MAP3K21: variants seen among roughly 807,000 people sequenced by gnomAD.
The protein encoded by MAP3K21 is mitogen-activated protein kinase kinase kinase 21.
Under a neutral mutation model 86.1 loss-of-function variants are expected in MAP3K21, and 63 were observed. The ratio of observed to expected loss-of-function variants is 0.73; its 90% CI spans 0.60 to 0.90. The LOEUF is 0.90. MAP3K21 is among the 40% of genes least tolerant of loss of function. MAP3K21 has a pLI of 0.00. For missense variants in MAP3K21, 1,220 were observed against 1,367.7 expected (o/e 0.89, Z 1.70); for synonymous variants, 558 against 564.8 (o/e 0.99, Z 0.17).
At position 233,353,779 on chromosome 1, in the gene MAP3K21, T is replaced by G. The variant is rs74946529; in HGVS notation, c.987-28T>G. 5.8e-4 allele frequency: 901 copies of G among 1,540,752 alleles called. 9 individuals are homozygous for G. The South Asian group carries it at 8.3e-3, about 14-fold the overall frequency. Reference sequence around the variant, plus strand: ...TAAGGAAAAGACACTGTTTAGCCCATTGAGCATATGAAATCCTTGCTTTCT... The same window carrying G: ...TAAGGAAAAGACACTGTTTAGCCCAGTGAGCATATGAAATCCTTGCTTTCT... On this transcript the variant is annotated intron_variant, in intron 2 of 9. Transcript: ENST00000366624.
At chr1:233,345,254 A>G (rs113398766) in intron 1 of MAP3K21, among the ~76,000 whole-genome samples, 15,637 of 152,254 alleles carry the variant, frequency 0.1, 963 homozygotes, top group East Asian at 0.21. Flanking sequence ...AGGATTATAA[A>G]TCATGCTACT....
chr1:233,363,063 A>G (rs1200452680), intron 5 of MAP3K21, among the ~76,000 whole-genome samples: 2 of 152,312 alleles, frequency 1.3e-5, no homozygotes, highest in Non-Finnish European at 2.9e-5. Flanking sequence ...AAATACCTCC[A>G]TGGTATTTTG....
intron 8 of MAP3K21, among the ~76,000 whole-genome samples, chr1:233,378,727 C>T (rs1663845705): frequency 6.6e-6 from 1 of 152,202 alleles, no homozygotes; most frequent in African/African-American, 2.4e-5. Flanking sequence ...GCTGGTTCAT[C>T]TGCAGGGAAC....
At chr1:233,341,784 C>T (rs772425229) in intron 1 of MAP3K21, among the ~76,000 whole-genome samples, 10 of 151,990 alleles carry the variant, frequency 6.6e-5, no homozygotes, top group Non-Finnish European at 1.0e-4. Context: ...TTTCATCAGT[C>T]GTTTCTCATG....
rs866193751 is a variant in MAP3K21, at chr1:233,382,581, C to T, written c.2981C>T (p.Ser994Phe). 6.2e-7 allele frequency: 1 copy of T among 1,614,194 alleles called. No individual in the cohort carries two copies. The highest frequency in any genetic ancestry group is 8.5e-7 in the Non-Finnish European group (1 of 1,180,024). The change falls in exon 10 of 10, where the codon TCC (serine) becomes TTC (phenylalanine). Residue 994 changes from serine (S) to phenylalanine (F), a missense_variant. Ser to Phe is a radical substitution (Grantham distance 155). Transcript: ENST00000366624. ...QFLAAKERTKSHVPSLLDADV... is the reference protein window; with the variant it reads ...QFLAAKERTKFHVPSLLDADV... ...CTCGCTGCCAAGGAGAGAACTAAAT[C>T]CCATGTGCCTTCATTACTGGATGCT...
At chr1:233,333,597 T>TA (rs11399728) in intron 1 of MAP3K21, among the ~76,000 whole-genome samples, 81,741 of 149,748 alleles carry the variant, frequency 0.55, 22,941 homozygotes, top group African/African-American at 0.66. Flanking sequence ...ATATTAAAAT[T>TA]AAAAAAAAAA....
At chr1:233,342,914 C>T (rs1054586559) in intron 1 of MAP3K21, among the ~76,000 whole-genome samples, 29 of 152,190 alleles carry the variant, frequency 1.9e-4, no homozygotes, top group Admixed American at 5.9e-4. Flanking sequence ...CATCCTAAAT[C>T]GGATTCTTCA....
chr1:233,354,769 A>T, intron 3 of MAP3K21, 67 bp from the exon 4 acceptor site: 2 of 713,744 alleles, frequency 2.8e-6, no homozygotes, highest in Non-Finnish European at 3.9e-6. Context: ...ACTTCAGTGT[A>T]AAACATTTCT....
intron 8 of MAP3K21, among the ~76,000 whole-genome samples, chr1:233,377,566 G>C (rs970761580): frequency 2.6e-5 from 4 of 152,116 alleles, no homozygotes; most frequent in African/African-American, 7.2e-5. Context: ...AGAGCACAGG[G>C]TTCTTTGGAG....
In MAP3K21 at chr1:233,328,704, CCCCG is replaced by C; in HGVS notation, c.679_682del (p.Arg227AlafsTer17). 7.2e-7 allele frequency: 1 copy of C among 1,383,062 alleles called. No individual in the cohort carries two copies. The allele number at this position is 1,383,062 out of a possible 1,614,324, so 85.7% of individuals were successfully genotyped here. A position where few individuals can be genotyped will look rare whatever the true frequency, so the allele number is the denominator to read the frequency against. ...CGCCCCGGACCCGCGCGCGCCCGGC[CCCCG>C]CCGCGCGCGCCGCATCCCTCCGCAC... is the stretch of plus-strand genomic sequence containing the variant. On this transcript the variant is annotated frameshift_variant, in exon 1 of 10. Coordinates refer to ENST00000366624, the MANE Select transcript of MAP3K21 (RefSeq NM_032435.3). LOFTEE classifies it high-confidence loss of function. The surrounding 1 kb of genome is among the most constrained non-coding windows in gnomAD (Gnocchi z 8.7).
chr1:233,352,506 G>A (rs922000592), intron 2 of MAP3K21, among the ~76,000 whole-genome samples: 1 of 151,504 alleles, frequency 6.6e-6, no homozygotes, highest in African/African-American at 2.4e-5. Context: ...TCTCGGCTCA[G>A]TGCAACCTCT....
At chr1:233,370,676 C>T (rs1021804217) in intron 5 of MAP3K21, among the ~76,000 whole-genome samples, 48 of 152,202 alleles carry the variant, frequency 3.2e-4, no homozygotes, top group Middle Eastern at 6.8e-3. Context: ...TTTTATTAAA[C>T]TCATTAATCG....
chr1:233,350,411 A>G (rs1663228917), intron 2 of MAP3K21, among the ~76,000 whole-genome samples: 1 of 152,164 alleles, frequency 6.6e-6, no homozygotes, highest in Non-Finnish European at 1.5e-5. Context: ...ACAAAAGCAC[A>G]TTGTAGGATA....
chr1:233,352,696 G>C (rs1663272314), intron 2 of MAP3K21, among the ~76,000 whole-genome samples: 1 of 152,142 alleles, frequency 6.6e-6, no homozygotes, highest in Non-Finnish European at 1.5e-5. Context: ...CTCCCAAGGT[G>C]CTGGGATTAC....
chr1:233,370,982 G>A (rs1322283990), intron 5 of MAP3K21, among the ~76,000 whole-genome samples: 1 of 152,180 alleles, frequency 6.6e-6, no homozygotes, highest in Non-Finnish European at 1.5e-5. Flanking sequence ...AGAATATCCA[G>A]TAATGTCTTT....
intron 1 of MAP3K21, among the ~76,000 whole-genome samples, chr1:233,340,638 G>T (rs1167956324): frequency 6.6e-6 from 1 of 152,048 alleles, no homozygotes; most frequent in African/African-American, 2.4e-5. Context: ...GGGAACTGGT[G>T]CCACTAGGAA....
intron 2 of MAP3K21, among the ~76,000 whole-genome samples, chr1:233,349,476 T>C (rs146622383): frequency 3.9e-5 from 6 of 152,264 alleles, no homozygotes; most frequent in African/African-American, 1.4e-4. Flanking sequence ...AGCAACCTTG[T>C]CTATCATAAA....
chr1:233,332,096 G>A (rs2102756703), intron 1 of MAP3K21, among the ~76,000 whole-genome samples: 1 of 152,216 alleles, frequency 6.6e-6, no homozygotes, highest in Admixed American at 6.5e-5. Flanking sequence ...AAACATTGTG[G>A]AGAGCTGGAA....
rs768010746 is a variant in MAP3K21, at chr1:233,382,585, T to C, written c.2985T>C (p.His995=). The part of the protein sequence containing the change: ...FLAAKERTKS[H]VPSLLDADVE... ...CTGCCAAGGAGAGAACTAAATCCCA[T>C]GTGCCTTCATTACTGGATGCTGACG... Residue 995 remains histidine (H), a synonymous_variant, in exon 10 of 10, where the codon CAT becomes CAC. Coordinates refer to ENST00000366624, the MANE Select transcript of MAP3K21 (RefSeq NM_032435.3). The C allele has an allele frequency of 6.2e-7, 1 of 1,614,180 alleles. No individual in the cohort carries two copies. Among genetic ancestry groups the C allele is most frequent in the South Asian group, 1.1e-5 (1 of 91,086 alleles).
Sources: gnomAD v4.1 joint callset for allele counts (sites outside exome capture counted in the v4.1 genomes callset) on GRCh38, gnomAD v4.1.1 for gene constraint, Gnocchi (gnomAD v3.1) non-coding constraint, MANE v1.5 for transcripts, NCBI Gene and HGNC (gene_info 2026-07-23, HGNC 2026-07-21) for gene names.